Variants in FSTL4 observed in about 807,000 individuals in gnomAD.
FSTL4 encodes follistatin-related protein 4.
In FSTL4, 28 loss-of-function variants were observed where a neutral mutation model predicts 78.2. The ratio of observed to expected loss-of-function variants is 0.36; its 90% confidence interval spans 0.27 to 0.49. FSTL4 has a LOEUF of 0.49. FSTL4 is among the 20% of genes least tolerant of loss of function. The pLI is 0.98. For missense variants in FSTL4, 922 were observed against 1,084.9 expected (o/e 0.85, Z 2.11); for synonymous variants, 422 against 440.5 (o/e 0.96, Z 0.53).
the FSTL4 span, among the ~76,000 whole-genome samples, chr5:133,703,177 G>A: frequency 6.6e-6 from 1 of 152,222 alleles, no homozygotes; most frequent in Non-Finnish European, 1.5e-5. Context: ...AGCAGGAATG[G>A]AAAATTACTA....
At chr5:133,704,741 T>C in the FSTL4 span, among the ~76,000 whole-genome samples, 11 of 152,204 alleles carry the variant, frequency 7.2e-5, no homozygotes, top group African/African-American at 2.7e-4. Flanking sequence ...CCAATGCCTG[T>C]CATCACTACT....
chr5:133,224,592 G>A (rs1751265410), intron 10 of FSTL4, among the ~76,000 whole-genome samples: 1 of 152,188 alleles, frequency 6.6e-6, no homozygotes, highest in Non-Finnish European at 1.5e-5. Flanking sequence ...ATGACCACGT[G>A]AAATACTTCT....
chr5:133,593,590 CAG>C (rs1473582145), intron 2 of FSTL4, among the ~76,000 whole-genome samples: 2 of 152,094 alleles, frequency 1.3e-5, no homozygotes, highest in African/African-American at 4.8e-5. Flanking sequence ...CCTGTGATAC[CAG>C]ATCTGCTATC....
intron 1 of FSTL4, among the ~76,000 whole-genome samples, chr5:133,607,246 A>G (rs1407762307): frequency 1.3e-5 from 2 of 152,172 alleles, no homozygotes; most frequent in South Asian, 2.1e-4. Context: ...TACAGCACCA[A>G]CAGCCTGGAA....
intron 1 of FSTL4, 95 bp from the exon 2 acceptor site, chr5:133,604,088 G>T: frequency 1.1e-6 from 1 of 904,014 alleles, no homozygotes; most frequent in Non-Finnish European, 1.8e-6. Context: ...AATCAGATAA[G>T]CCTGGGTTTA....
intron 3 of FSTL4, among the ~76,000 whole-genome samples, chr5:133,536,491 G>C (rs1759352138): frequency 6.6e-6 from 1 of 151,684 alleles, no homozygotes. Flanking sequence ...TTACTTTTGG[G>C]GGACATTTAA....
At chr5:133,482,552 T>C (rs1167477729) in intron 3 of FSTL4, among the ~76,000 whole-genome samples, 1 of 152,196 alleles carries the variant, frequency 6.6e-6, no homozygotes, top group Non-Finnish European at 1.5e-5. Context: ...CATGGTGCAC[T>C]TCTCCCTGCC....
chr5:133,299,816 T>C (rs957980768), intron 6 of FSTL4, among the ~76,000 whole-genome samples: 1 of 151,638 alleles, frequency 6.6e-6, no homozygotes, highest in African/African-American at 2.4e-5. Flanking sequence ...CTGGGGAGGG[T>C]GAGACCCAGG....
At chr5:133,686,039 G>A in the FSTL4 span, among the ~76,000 whole-genome samples, 1 of 152,174 alleles carries the variant, frequency 6.6e-6, no homozygotes, top group Non-Finnish European at 1.5e-5. Context: ...TCTATGAGGC[G>A]CCCACAGGAC....
intron 7 of FSTL4, among the ~76,000 whole-genome samples, chr5:133,235,161 C>A (rs1177587032): frequency 6.6e-6 from 1 of 152,106 alleles, no homozygotes; most frequent in Non-Finnish European, 1.5e-5. Context: ...GAGGGCCCGG[C>A]CACAATGGTC....
At chr5:133,828,646 C>T in the FSTL4 span, among the ~76,000 whole-genome samples, 1 of 152,324 alleles carries the variant, frequency 6.6e-6, no homozygotes, top group African/African-American at 2.4e-5. Context: ...CCGTGATCCT[C>T]CAGGCCCAAG....
chr5:133,683,585 A>T, the FSTL4 span, among the ~76,000 whole-genome samples: 4 of 152,234 alleles, frequency 2.6e-5, no homozygotes, highest in South Asian at 2.1e-4. Context: ...ATTTGTTTAA[A>T]ATAAATGGCT....
chr5:133,550,999 T>C (rs1035398487), intron 3 of FSTL4, among the ~76,000 whole-genome samples: 4 of 152,214 alleles, frequency 2.6e-5, no homozygotes, highest in African/African-American at 7.2e-5. Context: ...ATCTTGCTCC[T>C]CTCCTCCTTT....
At chr5:133,292,773 CACTGACTCTTT>C (rs1411533272) in intron 6 of FSTL4, among the ~76,000 whole-genome samples, 1 of 151,716 alleles carries the variant, frequency 6.6e-6, no homozygotes, top group Non-Finnish European at 1.5e-5. Flanking sequence ...AAAAAAAGCC[CACTGACTCTTT>C]ACAGCAACTC....
the FSTL4 span, among the ~76,000 whole-genome samples, chr5:133,631,754 C>T: frequency 1.3e-5 from 2 of 152,094 alleles, no homozygotes; most frequent in South Asian, 2.1e-4. Flanking sequence ...AACCCAAATG[C>T]CCATCAATGA....
the FSTL4 span, among the ~76,000 whole-genome samples, chr5:133,734,409 T>C: frequency 1.3e-5 from 2 of 152,272 alleles, no homozygotes; most frequent in East Asian, 3.9e-4. Flanking sequence ...GTACAAAATA[T>C]GTGGAGGTGT....
chr5:133,536,140 G>C (rs1339421324), intron 3 of FSTL4, among the ~76,000 whole-genome samples: 2 of 152,156 alleles, frequency 1.3e-5, no homozygotes, highest in Non-Finnish European at 2.9e-5. Flanking sequence ...GTTAGCATCA[G>C]ATTTTACCCC....
chr5:133,370,616 G>C (rs1440783478), intron 4 of FSTL4, among the ~76,000 whole-genome samples: 1 of 151,988 alleles, frequency 6.6e-6, no homozygotes, highest in Admixed American at 6.5e-5. Context: ...GGGCAGCATG[G>C]GTCCTGAAGC....
At chr5:133,751,392 T>A in the FSTL4 span, among the ~76,000 whole-genome samples, 1 of 152,234 alleles carries the variant, frequency 6.6e-6, no homozygotes, top group Non-Finnish European at 1.5e-5. Flanking sequence ...GTGGCCTAGT[T>A]ATCAACTTCC....
Sources: allele counts gnomAD v4.1 joint callset (sites outside exome capture counted in the v4.1 genomes callset), GRCh38; gene constraint gnomAD v4.1.1; transcripts MANE v1.5; gene names NCBI Gene and HGNC (gene_info 2026-07-23, HGNC 2026-07-21).